NXPE2: variants seen among roughly 807,000 people sequenced by gnomAD.
The protein encoded by NXPE2 is NXPE family member 2.
A neutral mutation model predicts 34.4 loss-of-function variants in NXPE2; 34 were observed. The observed-to-expected ratio is 0.99, with a 90% CI of 0.75 to 1.31. The LOEUF is 1.31. Among genes scored for constraint, NXPE2 ranks in the 40% most tolerant of loss-of-function variants. The pLI is 0.00. For missense variants in NXPE2, 649 were observed against 672.5 expected (o/e 0.97, Z 0.39); for synonymous variants, 235 against 231.3 (o/e 1.02, Z -0.15).
the NXPE2 span, among the ~76,000 whole-genome samples, chr11:114,588,435 T>C: frequency 6.6e-6 from 1 of 152,174 alleles, no homozygotes; most frequent in East Asian, 1.9e-4. Context: ...GGAGGGATGT[T>C]ATGCTGCTCC....
At chr11:114,613,327 C>A in the NXPE2 span, among the ~76,000 whole-genome samples, 1 of 151,856 alleles carries the variant, frequency 6.6e-6, no homozygotes, top group Admixed American at 6.6e-5. Context: ...ACCACTGTTA[C>A]CCGATGGATA....
the NXPE2 span, among the ~76,000 whole-genome samples, chr11:114,612,894 G>T: frequency 6.6e-6 from 1 of 151,898 alleles, no homozygotes; most frequent in South Asian, 2.1e-4. Flanking sequence ...TGCCTCACGG[G>T]TAAGCACTGT....
chr11:114,585,871 C>G, the NXPE2 span, among the ~76,000 whole-genome samples: 1 of 152,132 alleles, frequency 6.6e-6, no homozygotes, highest in Non-Finnish European at 1.5e-5. Context: ...AAAGGGCTAC[C>G]TGAGGGCCAG....
At chr11:114,636,248 C>G in the NXPE2 span, among the ~76,000 whole-genome samples, 1 of 152,000 alleles carries the variant, frequency 6.6e-6, no homozygotes, top group Non-Finnish European at 1.5e-5. Context: ...AGTTTATTTG[C>G]GTAGAGGTGT....
upstream of NXPE2, among the ~76,000 whole-genome samples, chr11:114,674,092 A>G (rs1281192604): frequency 5.4e-5 from 1 of 18,640 alleles, no homozygotes; most frequent in Non-Finnish European, 1.6e-4. Context: ...ATTGTTTAAA[A>G]ACAAACAAAC....
At chr11:114,716,408 G>A in the NXPE2 span, among the ~76,000 whole-genome samples, 2 of 152,180 alleles carry the variant, frequency 1.3e-5, no homozygotes, top group African/African-American at 4.8e-5. Context: ...GAAGAGGGGA[G>A]GAGGGATGAG....
the NXPE2 span, among the ~76,000 whole-genome samples, chr11:114,503,906 A>G: frequency 2.6e-5 from 4 of 152,210 alleles, no homozygotes; most frequent in Admixed American, 2.0e-4. Context: ...TCTTTGGTCT[A>G]CTGGCCTCTC....
chr11:114,742,668 G>A, the NXPE2 span, among the ~76,000 whole-genome samples: 1 of 138,378 alleles, frequency 7.2e-6, no homozygotes, highest in Non-Finnish European at 1.5e-5. Flanking sequence ...TTCTTTACTG[G>A]ACTCTCATAC....
the NXPE2 span, among the ~76,000 whole-genome samples, chr11:114,631,254 CAA>C: frequency 4.6e-5 from 7 of 151,756 alleles, no homozygotes; most frequent in African/African-American, 1.7e-4. Context: ...TTCACAATAG[CAA>C]AGACTTGGAA....
chr11:114,701,744 T>G (rs530764522), intron 3 of NXPE2, among the ~76,000 whole-genome samples: 7 of 152,354 alleles, frequency 4.6e-5, no homozygotes, highest in African/African-American at 1.7e-4. Context: ...GTTTCATTTG[T>G]AACATAGTAC....
At chr11:114,678,809 C>A (rs1950892752) in intron 1 of NXPE2, among the ~76,000 whole-genome samples, 1 of 151,402 alleles carries the variant, frequency 6.6e-6, no homozygotes, top group African/African-American at 2.4e-5. Context: ...GCATTGTGTG[C>A]AGTGTAGATA....
the NXPE2 span, among the ~76,000 whole-genome samples, chr11:114,767,129 A>G: frequency 3.9e-5 from 6 of 152,186 alleles, no homozygotes; most frequent in African/African-American, 1.4e-4. Flanking sequence ...ATCCTATACT[A>G]TAGAAATTGT....
chr11:114,618,730 G>T, the NXPE2 span, among the ~76,000 whole-genome samples: 2 of 152,054 alleles, frequency 1.3e-5, no homozygotes, highest in Admixed American at 1.3e-4. Context: ...TTACCCTGTG[G>T]AAAATAAGTG....
chr11:114,678,989 T>G (rs1950898290), intron 1 of NXPE2, among the ~76,000 whole-genome samples: 1 of 151,772 alleles, frequency 6.6e-6, no homozygotes, highest in Non-Finnish European at 1.5e-5. Context: ...TGGTAAAGAT[T>G]GCCATAATTT....
chr11:114,655,010 A>T, the NXPE2 span, among the ~76,000 whole-genome samples: 2 of 152,156 alleles, frequency 1.3e-5, no homozygotes, highest in Admixed American at 1.3e-4. Flanking sequence ...AATAATCACC[A>T]TTCTGACTGG....
chr11:114,691,663 G>T (rs1238674639), intron 2 of NXPE2, among the ~76,000 whole-genome samples: 1 of 152,186 alleles, frequency 6.6e-6, no homozygotes, highest in Non-Finnish European at 1.5e-5. Context: ...AGAAAGGTGG[G>T]GGTGAGAGAT....
At chr11:114,484,356 G>T in the NXPE2 span, among the ~76,000 whole-genome samples, 26 of 140,716 alleles carry the variant, frequency 1.8e-4, no homozygotes, top group Admixed American at 1.3e-3. Flanking sequence ...TTTGGGATGT[G>T]GGGGGGTAGA....
chr11:114,533,462 G>A, the NXPE2 span, among the ~76,000 whole-genome samples: 85 of 152,296 alleles, frequency 5.6e-4, no homozygotes, highest in African/African-American at 1.8e-3. Flanking sequence ...GCAGCACACC[G>A]TGCATGAGCT....
the NXPE2 span, among the ~76,000 whole-genome samples, chr11:114,508,248 C>T: frequency 1.3e-5 from 2 of 152,088 alleles, no homozygotes; most frequent in African/African-American, 4.8e-5. Flanking sequence ...TCAGAGCTGA[C>T]ACAAACAAAT....
Sources: allele counts gnomAD v4.1 joint callset (sites outside exome capture counted in the v4.1 genomes callset), GRCh38; gene constraint gnomAD v4.1.1; transcripts MANE v1.5; gene names NCBI Gene and HGNC (gene_info 2026-07-23, HGNC 2026-07-21).